SORCS3: variants seen among roughly 807,000 people sequenced by gnomAD.
The protein encoded by SORCS3 is sortilin related VPS10 domain containing receptor 3.
In SORCS3, 57 loss-of-function variants were observed where a neutral mutation model predicts 146.3. The observed-to-expected ratio is 0.39, with a 90% CI of 0.31 to 0.49. The LOEUF is 0.49. Among genes scored for constraint, SORCS3 ranks in the 20% least tolerant of loss-of-function variants. The pLI is 0.92. For synonymous variants in SORCS3, 653 were observed against 618.5 expected (o/e 1.06, Z -0.83); for missense variants, 1,341 against 1,575.5 (o/e 0.85, Z 2.52).
chr10:104,937,613 T>TA (rs1461010859), intron 3 of SORCS3, among the ~76,000 whole-genome samples: 1 of 152,216 alleles, frequency 6.6e-6, no homozygotes, highest in Non-Finnish European at 1.5e-5. Context: ...GTGCATATGA[T>TA]ACGTTTTCCT....
At chr10:104,906,851 C>G (rs1005735456) in intron 2 of SORCS3, among the ~76,000 whole-genome samples, 3 of 152,174 alleles carry the variant, frequency 2.0e-5, no homozygotes, top group African/African-American at 7.2e-5. Context: ...TGTTTGAAAA[C>G]ATCTCAACAT....
chr10:105,056,221 AT>A (rs899059782), intron 5 of SORCS3, among the ~76,000 whole-genome samples: 1 of 152,220 alleles, frequency 6.6e-6, no homozygotes, highest in African/African-American at 2.4e-5. Flanking sequence ...ATCCGCTAGA[AT>A]AGCGTTTCTC....
At chr10:104,740,343 G>A (rs1408377923) in intron 1 of SORCS3, among the ~76,000 whole-genome samples, 1 of 152,176 alleles carries the variant, frequency 6.6e-6, no homozygotes, top group Non-Finnish European at 1.5e-5. Context: ...TCAAAAGTAG[G>A]AAGTTATCTG....
intron 1 of SORCS3, among the ~76,000 whole-genome samples, chr10:104,646,436 T>C (rs1018700263): frequency 6.6e-6 from 1 of 152,172 alleles, no homozygotes; most frequent in Non-Finnish European, 1.5e-5. Flanking sequence ...GGAAAATTGC[T>C]TTTTCTTTGG....
At chr10:104,709,129 A>G (rs1389346515) in intron 1 of SORCS3, among the ~76,000 whole-genome samples, 1 of 152,118 alleles carries the variant, frequency 6.6e-6, no homozygotes, top group African/African-American at 2.4e-5. Context: ...TTCCCAGGTT[A>G]CTTCTTTCCT....
intron 1 of SORCS3, among the ~76,000 whole-genome samples, chr10:104,812,060 GA>G (rs774097085): frequency 6.6e-6 from 1 of 151,816 alleles, no homozygotes; most frequent in Non-Finnish European, 1.5e-5. Flanking sequence ...ATGCCAAAGA[GA>G]AAAAAAATAA....
At chr10:105,130,064 A>G (rs2056007193) in intron 7 of SORCS3, among the ~76,000 whole-genome samples, 1 of 152,168 alleles carries the variant, frequency 6.6e-6, no homozygotes, top group African/African-American at 2.4e-5. Context: ...GATAATATGC[A>G]TTGAGTACGT....
rs1424726368 is a variant in SORCS3, at chr10:105,105,474, A to G, written c.1171A>G (p.Ile391Val). The change falls in exon 7 of 27, where the codon ATC becomes GTC. Residue 391 changes from isoleucine (I) to valine (V), a missense_variant. Transcript: ENST00000369701. ...RSGPFARSID[I>V]SSLVVQDEYI... ...TGGGCCTTTTGCCCGCTCCATTGAC[A>G]TCAGTTCCCTGGTTGTCCAGGATGA... The G allele has an allele frequency of 1.2e-6, 2 of 1,613,538 alleles. No individual in the cohort carries two copies. The highest frequency in any genetic ancestry group is 1.7e-6 in the Non-Finnish European group (2 of 1,179,618).
chr10:105,157,327 C>A (rs759011272), intron 10 of SORCS3, 43 bp downstream of exon 10: 36 of 1,605,648 alleles, frequency 2.2e-5, no homozygotes, highest in Non-Finnish European at 3.1e-5. Context: ...GGCAGGCTGG[C>A]CACCTGCAGA....
chr10:104,801,887 A>G (rs1035640758), intron 1 of SORCS3, among the ~76,000 whole-genome samples: 1 of 152,216 alleles, frequency 6.6e-6, no homozygotes, highest in Non-Finnish European at 1.5e-5. Flanking sequence ...TTAAGTTTAA[A>G]CACTGATAAG....
rs117662960 is a variant in SORCS3, at chr10:104,678,747, G to A, written c.627+36793G>A. Among the ~76,000 whole-genome samples the A allele has an allele frequency of 1.1e-4, 17 of 152,304 alleles. No individual in the cohort carries two copies. The Middle Eastern group carries it at 0.02, about 183-fold the overall frequency. On this transcript the variant is annotated intron_variant, in intron 1 of 26. Transcript: ENST00000369701. Reference sequence around the variant, plus strand: ...TTTTCAAAATGAGTCAGCAACATCTGTGGTATCCCTCAAAGTTGATACTAT... The same window carrying A: ...TTTTCAAAATGAGTCAGCAACATCTATGGTATCCCTCAAAGTTGATACTAT...
In SORCS3 at chr10:104,883,267, C is replaced by G. The variant is rs928102248; in HGVS notation, c.696-32566C>G. 2.6e-5 allele frequency among the ~76,000 whole-genome samples: 4 copies of G among 152,180 alleles called. No homozygotes were observed. The South Asian group carries it at 6.2e-4, about 24-fold the overall frequency. On this transcript the variant is annotated intron_variant, in intron 2 of 26. Transcript: ENST00000369701. The stretch of plus-strand genomic sequence containing the variant: ...ATCAGAGCCTTTCAGCAGTGAGAGT[C>G]TCTGAGGTCTTAACAACACCCCTCA...
At chr10:104,972,936 G>T (rs1279491780) in intron 3 of SORCS3, among the ~76,000 whole-genome samples, 3 of 152,154 alleles carry the variant, frequency 2.0e-5, no homozygotes, top group African/African-American at 4.8e-5. Flanking sequence ...GGCCTTTTCT[G>T]CATCTATTGA....
chr10:105,051,626 T>A (rs2055413670), intron 5 of SORCS3, among the ~76,000 whole-genome samples: 1 of 152,062 alleles, frequency 6.6e-6, no homozygotes, highest in Non-Finnish European at 1.5e-5. Flanking sequence ...TGAAGATCTT[T>A]TCAAACAAAG....
chr10:105,037,437 G>T (rs1257547140), intron 4 of SORCS3, among the ~76,000 whole-genome samples: 2 of 152,172 alleles, frequency 1.3e-5, no homozygotes, highest in East Asian at 1.9e-4. Context: ...ATGTTGGCAG[G>T]TGGGGGCTAT....
chr10:105,048,412 T>G (rs1179248122), intron 5 of SORCS3, among the ~76,000 whole-genome samples: 2 of 151,218 alleles, frequency 1.3e-5, no homozygotes, highest in Non-Finnish European at 2.9e-5. Flanking sequence ...GAAACCATCA[T>G]TCTCAGCAAA....
intron 1 of SORCS3, among the ~76,000 whole-genome samples, chr10:104,700,922 T>A (rs1365152851): frequency 6.6e-6 from 1 of 152,242 alleles, no homozygotes; most frequent in Non-Finnish European, 1.5e-5. Context: ...TTTGAATTTT[T>A]ATTCCGAATT....
intron 2 of SORCS3, among the ~76,000 whole-genome samples, chr10:104,913,868 T>A (rs1016451307): frequency 6.6e-5 from 10 of 151,202 alleles, no homozygotes; most frequent in Non-Finnish European, 1.3e-4. Context: ...CCTCCTGGGT[T>A]CAAGCAATTC....
intron 11 of SORCS3, among the ~76,000 whole-genome samples, chr10:105,162,584 G>A (rs1360698052): frequency 6.6e-6 from 1 of 152,142 alleles, no homozygotes; most frequent in Non-Finnish European, 1.5e-5. Flanking sequence ...CAACTTTCTG[G>A]TCTCTGTGAT....
Sources: gnomAD v4.1 joint callset for allele counts (sites outside exome capture counted in the v4.1 genomes callset) on GRCh38, gnomAD v4.1.1 for gene constraint, MANE v1.5 for transcripts, NCBI Gene and HGNC (gene_info 2026-07-23, HGNC 2026-07-21) for gene names.